ATP7B: variants seen among roughly 807,000 people sequenced by gnomAD.
ATP7B encodes copper-transporting ATPase 2.
ATP7B carries 113 observed loss-of-function variants against 118.9 expected under a neutral mutation model. The observed-to-expected ratio is 0.95, with a 90% confidence interval of 0.82 to 1.11. The LOEUF (loss-of-function observed/expected upper bound fraction) is 1.11. Among genes scored for constraint, ATP7B ranks in the 50% most tolerant of loss-of-function variants. The pLI, the probability that ATP7B is intolerant of heterozygous loss-of-function variation, is 0.00. For synonymous variants in ATP7B, 777 were observed against 727.4 expected (o/e 1.07, Z -1.10); for missense variants, 1,867 against 1,871.4 (o/e 1.00, Z 0.04).
At chr13:51,976,111 C>A (rs555891726) in intron 1 of ATP7B, among the ~76,000 whole-genome samples, 49 of 152,340 alleles carry the variant, frequency 3.2e-4, no homozygotes, top group African/African-American at 1.0e-3. Flanking sequence ...TCACAGGCTC[C>A]CAGCCTACAG....
At chr13:51,990,281 A>T (rs1447433945) in intron 1 of ATP7B, among the ~76,000 whole-genome samples, 1 of 152,154 alleles carries the variant, frequency 6.6e-6, no homozygotes, top group African/African-American at 2.4e-5. Flanking sequence ...CACTTCTGGG[A>T]ATTTTACCAT....
At chr13:51,936,684 G>A (rs536350236) in intron 19 of ATP7B, among the ~76,000 whole-genome samples, 3 of 152,038 alleles carry the variant, frequency 2.0e-5, no homozygotes, top group African/African-American at 4.8e-5. Flanking sequence ...ACGCTACCAC[G>A]CCCAGCTAAC....
intron 1 of ATP7B, among the ~76,000 whole-genome samples, chr13:52,000,949 G>A (rs1311266850): frequency 2.0e-5 from 3 of 152,184 alleles, no homozygotes; most frequent in African/African-American, 7.2e-5. Flanking sequence ...GAGCCCAGGA[G>A]GTGGAGGTTG....
intron 5 of ATP7B, among the ~76,000 whole-genome samples, chr13:51,963,804 C>T (rs1286829645): frequency 1.3e-5 from 2 of 150,014 alleles, no homozygotes; most frequent in Non-Finnish European, 3.0e-5. Context: ...AATCCTAGCA[C>T]TTTGGGAAGC....
At chr13:51,979,845 C>A (rs1240381174) in intron 1 of ATP7B, among the ~76,000 whole-genome samples, 1 of 152,178 alleles carries the variant, frequency 6.6e-6, no homozygotes, top group Non-Finnish European at 1.5e-5. Context: ...TGCAGTAGTA[C>A]TGAAAGCAAT....
chr13:51,949,834 A>G (rs754173894), intron 11 of ATP7B, 38 bp from the exon 12 acceptor site: 1 of 1,613,792 alleles, frequency 6.2e-7, no homozygotes, highest in Non-Finnish European at 8.5e-7. Flanking sequence ...GGAAATTACA[A>G]CCTATGAAGA....
At chr13:51,959,430 G>A (rs947847964) in intron 7 of ATP7B, 1 of 149,574 alleles carries the variant, frequency 6.7e-6, no homozygotes, top group African/African-American at 2.5e-5. Context: ...GATCGCTTGA[G>A]CCCAGGAGTT....
In ATP7B at chr13:51,975,372, GCTAA is replaced by G. The variant is rs201539631; in HGVS notation, c.52-208_52-205del. 2.6e-3 allele frequency: 2,028 copies of G among 771,428 alleles called. 26 individuals carry two copies. The African/African-American group carries it at 0.031, about 12-fold the overall frequency. The allele number at this position is 771,428 out of a possible 1,614,324, so 47.8% of individuals were successfully genotyped here. A position where few individuals can be genotyped will look rare whatever the true frequency, so the allele number is the denominator to read the frequency against. ...GCTCTGACATTCTTCTCTGACAGAA[GCTAA>G]CTGTCTGTCCTCCTTAGTGAAATGT... On this transcript the variant is annotated intron_variant, in intron 1 of 20. Transcript: ENST00000242839.
intron 6 of ATP7B, 75 bp downstream of exon 6, chr13:51,961,762 A>G: frequency 1.4e-6 from 2 of 1,419,044 alleles, no homozygotes; most frequent in Non-Finnish European, 2.0e-6. Flanking sequence ...AGACAAGACC[A>G]GCTGGCAGAG....
At chr13:51,968,099 G>C (rs1214429666) in intron 4 of ATP7B, among the ~76,000 whole-genome samples, 1 of 152,118 alleles carries the variant, frequency 6.6e-6, no homozygotes, top group Non-Finnish European at 1.5e-5. Flanking sequence ...TTTTAGGCTT[G>C]AAGGACTGTG....
At chr13:51,992,878 T>C (rs1251061866) in intron 1 of ATP7B, among the ~76,000 whole-genome samples, 1 of 146,092 alleles carries the variant, frequency 6.8e-6, no homozygotes, top group Non-Finnish European at 1.5e-5. Context: ...CTCTGGAGGC[T>C]GAGGCAGGAG....
intron 1 of ATP7B, among the ~76,000 whole-genome samples, chr13:51,993,195 C>T (rs951508217): frequency 1.1e-4 from 16 of 152,118 alleles, no homozygotes; most frequent in African/African-American, 3.9e-4. Flanking sequence ...TTTCTTTATA[C>T]TTTTTTGTAT....
intron 17 of ATP7B, among the ~76,000 whole-genome samples, 184 bp downstream of exon 17, chr13:51,938,867 C>T (rs114369593): frequency 2.3e-3 from 353 of 152,302 alleles, no homozygotes; most frequent in African/African-American, 8.3e-3. Flanking sequence ...AAGAGATCTT[C>T]GCACAGCACC....
chr13:51,932,802 T>C lies in ATP7B; in HGVS notation c.*1954A>G, dbSNP rs1325010573. Reference sequence around the variant, plus strand: ...TATTTTCTATAAAATTATATAAATATTTCCATGTCCATATATGAACACAAC... The same window carrying C: ...TATTTTCTATAAAATTATATAAATACTTCCATGTCCATATATGAACACAAC... On this transcript the variant is annotated 3_prime_UTR_variant, in exon 21 of 21. Coordinates refer to ENST00000242839, the MANE Select transcript of ATP7B (RefSeq NM_000053.4). 1 of 152,226 alleles carries C rather than the reference T, an allele frequency of 6.6e-6. No homozygotes were observed. Among genetic ancestry groups the C allele is most frequent in the Non-Finnish European group, 1.5e-5 (1 of 68,044 alleles). 9.4% of individuals were successfully genotyped at this position (152,226 alleles called of 1,614,324 possible).
intron 6 of ATP7B, 36 bp downstream of exon 6, chr13:51,961,801 A>G (rs1175603051): frequency 1.3e-6 from 2 of 1,592,306 alleles, no homozygotes; most frequent in Admixed American, 3.3e-5. Flanking sequence ...AGGGACTTAG[A>G]TGAGAGCTGG....
rs756826065 is a variant in ATP7B, at chr13:51,934,990, C to T, written c.4164G>A (p.Ala1388=). 2 of 1,613,866 alleles carry T rather than the reference C, an allele frequency of 1.2e-6. No individual in the cohort carries two copies. Among genetic ancestry groups the T allele is most frequent in the South Asian group, 1.1e-5 (1 of 91,084 alleles). Residue 1388 remains alanine (A), a synonymous_variant, in exon 21 of 21, where the codon GCG becomes GCA. Coordinates refer to ENST00000242839, the MANE Select transcript of ATP7B (RefSeq NM_000053.4). The part of the protein sequence containing the change: ...KPDLERYEAQ[A]HGHMKPLTAS... ...CCGTCAGGGGCTTCATGTGGCCATG[C>T]GCCTGTGCCTCATACCTCTCCAGGT... is the stretch of plus-strand genomic sequence containing the variant.
intron 1 of ATP7B, among the ~76,000 whole-genome samples, chr13:51,979,504 G>A (rs1414298595): frequency 6.6e-6 from 1 of 152,092 alleles, no homozygotes; most frequent in Non-Finnish European, 1.5e-5. Flanking sequence ...AAAATAACAT[G>A]AGCACAAAGA....
chr13:51,977,795 G>C (rs1952199887), intron 1 of ATP7B, among the ~76,000 whole-genome samples: 1 of 152,102 alleles, frequency 6.6e-6, no homozygotes, highest in Non-Finnish European at 1.5e-5. Context: ...CATTACAACA[G>C]CTGCGAGATC....
intron 9 of ATP7B, among the ~76,000 whole-genome samples, chr13:51,953,734 T>TCTC (rs1765410878): frequency 6.6e-6 from 1 of 151,716 alleles, no homozygotes. Flanking sequence ...ACTTCACTTG[T>TCTC]CTCCTCTCTT....
Sources: allele counts gnomAD v4.1 joint callset (sites outside exome capture counted in the v4.1 genomes callset), GRCh38; gene constraint gnomAD v4.1.1; transcripts MANE v1.5; gene names NCBI Gene and HGNC (gene_info 2026-07-23, HGNC 2026-07-21).